Variants in FMN1 observed in about 807,000 individuals in gnomAD.
FMN1 encodes formin 1, also known as formin-1.
In FMN1, 110 loss-of-function variants were observed where a neutral mutation model predicts 132.4. The observed-to-expected ratio is 0.83, with a 90% CI of 0.71 to 0.97. The LOEUF is 0.97. Among genes scored for constraint, FMN1 ranks in the 50% least tolerant of loss-of-function variants. The pLI, the probability that FMN1 is intolerant of heterozygous loss-of-function variation, is 0.00. For synonymous variants in FMN1, 722 were observed against 651.7 expected, an observed-to-expected ratio of 1.11 and a Z score of -1.64; for missense variants, 1,792 against 1,705.3, an observed-to-expected ratio of 1.05 and a Z score of -0.90.
At chr15:33,006,081 T>A (rs1044345115) in intron 7 of FMN1, among the ~76,000 whole-genome samples, 1 of 152,142 alleles carries the variant, frequency 6.6e-6, no homozygotes, top group Non-Finnish European at 1.5e-5. Context: ...TATAATCCAA[T>A]ACACCGACTC....
chr15:33,154,941 G>A lies in FMN1; in HGVS notation c.-27C>T, dbSNP rs753557212. On this transcript the variant is annotated 5_prime_UTR_variant, in exon 4 of 21. An upstream open reading frame in the 5' UTR gains an earlier in-frame stop. Transcript: ENST00000616417. ...ATGCCTACCTAATTATTCATGCCTT[G>A]GAGATGCCGGTTTGTGGTCAGGCTT... The A allele has an allele frequency of 1.0e-5, 15 of 1,497,930 alleles. No individual in the cohort carries two copies. The South Asian group carries it at 1.8e-4, about 18-fold the overall frequency. 92.8% of individuals were successfully genotyped at this position (1,497,930 alleles called of 1,614,324 possible). A position where few individuals can be genotyped will look rare whatever the true frequency, so the allele number is the denominator to read the frequency against.
chr15:32,951,924 G>A (rs1439382926), intron 9 of FMN1, among the ~76,000 whole-genome samples: 2 of 152,160 alleles, frequency 1.3e-5, no homozygotes, highest in Non-Finnish European at 2.9e-5. Flanking sequence ...GCTAGAGAAG[G>A]CAGCTGGTCA....
At chr15:32,891,340 C>T (rs144258909) in intron 15 of FMN1, among the ~76,000 whole-genome samples, 1,691 of 152,294 alleles carry the variant, frequency 0.011, 18 homozygotes, top group Non-Finnish European at 0.019. Context: ...CTCTACCTCC[C>T]GGGTTCACGC....
intron 4 of FMN1, among the ~76,000 whole-genome samples, chr15:33,104,797 C>A (rs1595479425): frequency 1.3e-5 from 2 of 152,066 alleles, no homozygotes; most frequent in Non-Finnish European, 2.9e-5. Flanking sequence ...AAAGGTATTA[C>A]TTTACTAAAG....
chr15:32,940,266 C>T (rs1406878563), intron 9 of FMN1, among the ~76,000 whole-genome samples: 1 of 151,864 alleles, frequency 6.6e-6, no homozygotes, highest in African/African-American at 2.4e-5. Context: ...AGGAGACCAG[C>T]CTTCAGCCTT....
intron 16 of FMN1, among the ~76,000 whole-genome samples, chr15:32,884,803 G>A (rs2059855899): frequency 6.6e-6 from 1 of 152,196 alleles, no homozygotes; most frequent in Non-Finnish European, 1.5e-5. Flanking sequence ...ATGTTCCCAA[G>A]CACCAAGAAC....
chr15:32,797,869 TTTTC>T (rs1473351291), intron 19 of FMN1, among the ~76,000 whole-genome samples: 1 of 152,214 alleles, frequency 6.6e-6, no homozygotes, highest in Non-Finnish European at 1.5e-5. Flanking sequence ...TGTATATATC[TTTTC>T]TTTGATTACA....
chr15:32,792,932 A>G (rs1161642591), intron 19 of FMN1, among the ~76,000 whole-genome samples: 1 of 152,190 alleles, frequency 6.6e-6, no homozygotes, highest in Non-Finnish European at 1.5e-5. Flanking sequence ...TACATGAGGA[A>G]AATTGATTTT....
intron 18 of FMN1, among the ~76,000 whole-genome samples, chr15:32,803,274 C>T (rs1333514945): frequency 2.6e-5 from 4 of 152,164 alleles, no homozygotes; most frequent in Non-Finnish European, 5.9e-5. Flanking sequence ...TTTTAGAATT[C>T]GTACCAGCAA....
chr15:33,031,334 G>A lies in FMN1; in HGVS notation c.2162-23259C>T, dbSNP rs140701190. On this transcript the variant is annotated intron_variant, in intron 6 of 20. Coordinates refer to ENST00000616417, the MANE Select transcript of FMN1 (RefSeq NM_001277313.2). ...GGAGCCAGCACTGTGGAGAGGGTCT[G>A]CTTCTGATGCACCTGAGAGCACAAA... 1.4e-3 allele frequency among the ~76,000 whole-genome samples: 207 copies of A among 152,274 alleles called. 1 individual carries two copies. The highest frequency in any genetic ancestry group is 4.4e-3 in the African/African-American group (183 of 41,554).
intron 6 of FMN1, among the ~76,000 whole-genome samples, chr15:33,039,716 C>T (rs2036342410): frequency 6.6e-6 from 1 of 151,892 alleles, no homozygotes; most frequent in Non-Finnish European, 1.5e-5. Flanking sequence ...GAGCCATCAC[C>T]TAAAATGAAA....
At chr15:32,785,897 A>T (rs1050796110) in intron 19 of FMN1, among the ~76,000 whole-genome samples, 7 of 152,226 alleles carry the variant, frequency 4.6e-5, no homozygotes, top group African/African-American at 1.7e-4. Context: ...GGTTCATGAA[A>T]GGCATCTTGG....
chr15:32,863,658 A>G (rs1378654785), intron 16 of FMN1, among the ~76,000 whole-genome samples: 3 of 152,194 alleles, frequency 2.0e-5, no homozygotes, highest in Admixed American at 2.0e-4. Flanking sequence ...CTTGAACTGC[A>G]GGCAAACCTA....
intron 17 of FMN1, among the ~76,000 whole-genome samples, chr15:32,839,047 C>G (rs1041245276): frequency 6.6e-6 from 1 of 152,100 alleles, no homozygotes; most frequent in Non-Finnish European, 1.5e-5. Context: ...GTTCATTTCC[C>G]TTGAAACGGG....
intron 8 of FMN1, 79 bp from the exon 9 acceptor site, chr15:32,964,336 C>T (rs936106772): frequency 9.8e-7 from 1 of 1,024,902 alleles, no homozygotes; most frequent in Admixed American, 2.4e-5. Flanking sequence ...TTCTCTAATC[C>T]ATTTTTTAAT....
chr15:32,797,977 C>T (rs1404462128), intron 19 of FMN1, among the ~76,000 whole-genome samples: 2 of 152,088 alleles, frequency 1.3e-5, no homozygotes, highest in Non-Finnish European at 2.9e-5. Flanking sequence ...TTTCCTTACG[C>T]TGAGGAATTT....
At chr15:33,127,588 T>TA (rs886247420) in intron 4 of FMN1, among the ~76,000 whole-genome samples, 1 of 152,230 alleles carries the variant, frequency 6.6e-6, no homozygotes, top group Non-Finnish European at 1.5e-5. Context: ...GTAAGCATCC[T>TA]AAAGCTAGTC....
At chr15:32,929,410 A>G (rs1420595033) in intron 9 of FMN1, among the ~76,000 whole-genome samples, 1 of 152,202 alleles carries the variant, frequency 6.6e-6, no homozygotes, top group Non-Finnish European at 1.5e-5. Flanking sequence ...TTGAAGGCTT[A>G]ACACTAATTT....
intron 17 of FMN1, among the ~76,000 whole-genome samples, chr15:32,836,435 G>A (rs957197174): frequency 6.6e-6 from 1 of 152,078 alleles, no homozygotes; most frequent in South Asian, 2.1e-4. Context: ...GTTCTATTTA[G>A]TGTCATTTAT....
Sources: gnomAD v4.1 joint callset for allele counts (sites outside exome capture counted in the v4.1 genomes callset) on GRCh38, gnomAD v4.1.1 for gene constraint, MANE v1.5 for transcripts, NCBI Gene and HGNC (gene_info 2026-07-23, HGNC 2026-07-21) for gene names.